PAM: variants seen among roughly 807,000 people sequenced by gnomAD.
PAM encodes peptidyl-glycine alpha-amidating monooxygenase.
PAM carries 72 observed loss-of-function variants against 122.1 expected under a neutral mutation model. The ratio of observed to expected loss-of-function variants is 0.59; its 90% CI spans 0.49 to 0.72. The LOEUF (loss-of-function observed/expected upper bound fraction) is 0.72. Ranked by LOEUF, PAM falls within the 30% of genes least tolerant of loss-of-function variation. The pLI is 0.00. For missense variants in PAM, 1,106 were observed against 1,183.7 expected (o/e 0.93, Z 0.96); for synonymous variants, 389 against 404.4 (o/e 0.96, Z 0.46).
chr5:102,977,057 A>G (rs989042162), intron 15 of PAM, among the ~76,000 whole-genome samples: 1 of 152,128 alleles, frequency 6.6e-6, no homozygotes, highest in Non-Finnish European at 1.5e-5. Context: ...AGTATTTTAG[A>G]TTTCATCAGT....
At chr5:102,848,166 C>CT (rs140402750) in intron 1 of PAM, among the ~76,000 whole-genome samples, 64 of 149,336 alleles carry the variant, frequency 4.3e-4, no homozygotes, top group Non-Finnish European at 6.4e-4. Flanking sequence ...CTTTCTTCCT[C>CT]TTTTTTTTTT....
intron 1 of PAM, among the ~76,000 whole-genome samples, chr5:102,812,414 G>T (rs1211161498): frequency 1.3e-5 from 2 of 151,944 alleles, no homozygotes; most frequent in East Asian, 3.8e-4. Flanking sequence ...AGAGACTACT[G>T]TAGTATGTTA....
chr5:102,771,876 G>A (rs1313530028), intron 1 of PAM, among the ~76,000 whole-genome samples: 2 of 152,052 alleles, frequency 1.3e-5, no homozygotes, highest in South Asian at 4.1e-4. Flanking sequence ...GCTGTGGCTG[G>A]GTTTAAAAGA....
intron 7 of PAM, among the ~76,000 whole-genome samples, chr5:102,929,568 T>C (rs548106708): frequency 1.3e-5 from 2 of 152,306 alleles, no homozygotes; most frequent in African/African-American, 4.8e-5. Context: ...AATTATTATA[T>C]TCTACTGAAA....
At chr5:102,929,692 C>T (rs930362440) in intron 7 of PAM, among the ~76,000 whole-genome samples, 1 of 152,110 alleles carries the variant, frequency 6.6e-6, no homozygotes, top group African/African-American at 2.4e-5. Context: ...GAAGGCAAAA[C>T]ATCTTCTAAA....
intron 21 of PAM, among the ~76,000 whole-genome samples, chr5:103,011,174 C>T (rs1780493108): frequency 6.6e-6 from 1 of 152,150 alleles, no homozygotes; most frequent in East Asian, 1.9e-4. Context: ...AAAAGGAAGA[C>T]TACCTGATGG....
chr5:103,028,903 C>G lies in PAM; in HGVS notation c.2760C>G (p.Gly920=). The change falls in exon 26 of 26, where the codon GGC becomes GGG. Residue 920 remains glycine, a synonymous_variant. Transcript: ENST00000438793. Reference sequence around the variant, plus strand: ...TTTTTTCAGGAAAGGGAAGTGGAGGCTTAAACCTTGGTAATTTCTTTGCAA... The same window carrying G: ...TTTTTTCAGGAAAGGGAAGTGGAGGGTTAAACCTTGGTAATTTCTTTGCAA... ...LGRFRGKGSG[G]LNLGNFFASR... The G allele has an allele frequency of 6.2e-7, 1 of 1,610,332 alleles. No homozygotes were observed. Among genetic ancestry groups the G allele is most frequent in the African/African-American group, 1.3e-5 (1 of 74,760 alleles).
chr5:102,967,803 A>C (rs1324490573), intron 14 of PAM, among the ~76,000 whole-genome samples: 3 of 150,520 alleles, frequency 2.0e-5, no homozygotes, highest in Non-Finnish European at 4.4e-5. Context: ...GCTCACTGCA[A>C]CCTCCACCTC....
At chr5:102,866,538 A>G (rs1413099756) in intron 2 of PAM, 1 of 500,590 alleles carries the variant, frequency 2.0e-6, no homozygotes, top group Non-Finnish European at 3.6e-6. Context: ...TGGGGGAGGT[A>G]TTTCAGGAAC....
rs550147154 is a variant in PAM at position 102,785,225 on chromosome 5, A to G, written c.-374+29877A>G. Among the ~76,000 whole-genome samples the G allele has an allele frequency of 3.0e-4, 45 of 152,358 alleles. 1 individual carries two copies. The highest frequency in any genetic ancestry group is 1.1e-3 in the African/African-American group (44 of 41,584). ...CCACCTGTGAACTAGTAAGAAATGC[A>G]GATATCTGGGCCCCTTCCCAGTTTC... On this transcript the variant is annotated intron_variant, in intron 1 of 25. Transcript: ENST00000438793.
intron 16 of PAM, among the ~76,000 whole-genome samples, chr5:102,994,076 C>T (rs1304337603): frequency 6.6e-6 from 1 of 152,014 alleles, no homozygotes; most frequent in African/African-American, 2.4e-5. Context: ...TCACAAAATG[C>T]AACAATAAAC....
intron 4 of PAM, 37 bp downstream of exon 4, chr5:102,901,450 T>C: frequency 9.0e-7 from 1 of 1,110,754 alleles, no homozygotes; most frequent in Non-Finnish European, 1.4e-6. Context: ...AGCAGTTTAA[T>C]GGAGGGCAGT....
intron 22 of PAM, among the ~76,000 whole-genome samples, chr5:103,018,515 T>C (rs932208219): frequency 1.3e-5 from 2 of 152,152 alleles, no homozygotes; most frequent in Non-Finnish European, 2.9e-5. Flanking sequence ...CCATGGACTA[T>C]GCCACTCCAG....
chr5:102,781,561 C>T (rs1561430664), intron 1 of PAM, among the ~76,000 whole-genome samples: 1 of 152,108 alleles, frequency 6.6e-6, no homozygotes, highest in Non-Finnish European at 1.5e-5. Context: ...TTTGGTGTCC[C>T]CTGTGCTGTT....
Position 102,990,420 on chromosome 5 carries a change from T to C in PAM, c.1613+19T>C, listed in dbSNP as rs1582636402. ...ATGGAAAGTAAGTAATATTTTTTCT[T>C]CAATAAGCAAATGAAAATAAAAATA... On this transcript the variant is annotated intron_variant, in intron 16 of 25. Coordinates refer to ENST00000438793, the MANE Select transcript of PAM (RefSeq NM_001177306.2). The C allele has an allele frequency of 6.4e-7, 1 of 1,551,764 alleles. No homozygotes were observed. The highest frequency in any genetic ancestry group is 1.2e-5 in the South Asian group (1 of 83,746).
intron 21 of PAM, among the ~76,000 whole-genome samples, chr5:103,012,181 AG>A (rs1192068754): frequency 6.6e-6 from 1 of 152,056 alleles, no homozygotes; most frequent in African/African-American, 2.4e-5. Context: ...TTAGATGGGT[AG>A]TTTGCAATTT....
intron 1 of PAM, among the ~76,000 whole-genome samples, chr5:102,846,453 A>C (rs1779971339): frequency 6.6e-6 from 1 of 152,158 alleles, no homozygotes; most frequent in Non-Finnish European, 1.5e-5. Context: ...TTGATCTATA[A>C]GCGGTTTCCT....
chr5:103,022,870 G>GT (rs1473926909), intron 23 of PAM, among the ~76,000 whole-genome samples: 1 of 152,104 alleles, frequency 6.6e-6, no homozygotes, highest in Non-Finnish European at 1.5e-5. Context: ...TATAACTATT[G>GT]TTTTAGGCAT....
At chr5:102,758,068 ATTTTGTTTTTTTTTTTTTTTTTTTTTTT>A (rs1751068595) in intron 1 of PAM, among the ~76,000 whole-genome samples, 1 of 87,608 alleles carries the variant, frequency 1.1e-5, no homozygotes, top group Admixed American at 1.4e-4. Flanking sequence ...AAGACTTAGA[ATTTTGTTTTTTTTTTTTTTTTTTTTTTT>A]TTTTTTTTTT....
Sources: allele counts gnomAD v4.1 joint callset (sites outside exome capture counted in the v4.1 genomes callset), GRCh38; gene constraint gnomAD v4.1.1; transcripts MANE v1.5; gene names NCBI Gene and HGNC (gene_info 2026-07-23, HGNC 2026-07-21).